Variants in LARGE1 observed in about 807,000 individuals in gnomAD.
LARGE1 encodes the protein LARGE xylosyl- and glucuronyltransferase 1.
In LARGE1, 43 loss-of-function variants were observed where a neutral mutation model predicts 87.6. The ratio of observed to expected loss-of-function variants is 0.49; its 90% CI spans 0.38 to 0.63. LARGE1 has a LOEUF of 0.63. LARGE1 is among the 30% of genes least tolerant of loss of function. The probability of loss-of-function intolerance (pLI) is 0.00; values close to 1 mark genes in which losing one functional copy is unlikely to be tolerated. For synonymous variants in LARGE1, 434 were observed against 394.6 expected, an observed-to-expected ratio of 1.10 and a Z score of -1.18; for missense variants, 802 against 1,000.2, an observed-to-expected ratio of 0.80 and a Z score of 2.67.
intron 6 of LARGE1, among the ~76,000 whole-genome samples, chr22:33,540,358 G>A (rs774086560): frequency 6.6e-6 from 1 of 152,130 alleles, no homozygotes; most frequent in Non-Finnish European, 1.5e-5. Context: ...ACCTCAGCTC[G>A]GCTGTGTGTG....
chr22:33,776,955 C>G (rs379239), intron 1 of LARGE1, among the ~76,000 whole-genome samples: 138,471 of 152,242 alleles, frequency 0.91, 63,113 homozygotes, highest in East Asian at 0.97. Context: ...AGATGGTCAG[C>G]ACATGGGCCC....
intron 9 of LARGE1, among the ~76,000 whole-genome samples, chr22:33,368,729 A>C (rs1180740859): frequency 6.6e-6 from 1 of 152,176 alleles, no homozygotes; most frequent in Admixed American, 6.6e-5. Context: ...CTACTGTAAT[A>C]AAGTGAATAC....
chr22:33,849,592 CTTTTTT>C (rs71187287), intron 1 of LARGE1, among the ~76,000 whole-genome samples: 34 of 88,590 alleles, frequency 3.8e-4, no homozygotes, highest in African/African-American at 9.5e-4. Context: ...CTTTTCTTCT[CTTTTTT>C]TTTTTTTTTT....
chr22:33,514,678 C>T (rs1569229099), intron 6 of LARGE1, among the ~76,000 whole-genome samples: 2 of 152,066 alleles, frequency 1.3e-5, no homozygotes, highest in Non-Finnish European at 1.5e-5. Flanking sequence ...GGAACCAGGC[C>T]CCTACGGATA....
At chr22:33,305,253 C>T (rs1189139932) in intron 11 of LARGE1, among the ~76,000 whole-genome samples, 3 of 151,228 alleles carry the variant, frequency 2.0e-5, no homozygotes, top group East Asian at 3.9e-4. Flanking sequence ...CTGCATCACT[C>T]GTCTTCAGAG....
At chr22:33,780,985 C>T (rs1024531957) in intron 1 of LARGE1, among the ~76,000 whole-genome samples, 13 of 152,210 alleles carry the variant, frequency 8.5e-5, no homozygotes, top group Non-Finnish European at 8.8e-5. Flanking sequence ...ACTGCGATAG[C>T]GCACAAAGCT....
chr22:33,088,051 A>AACAC, the LARGE1 span, among the ~76,000 whole-genome samples: 10 of 151,100 alleles, frequency 6.6e-5, no homozygotes, highest in East Asian at 5.8e-4. Context: ...GCACAGGCCT[A>AACAC]ACACACACAC....
At chr22:33,405,797 G>A (rs1464039418) in intron 7 of LARGE1, among the ~76,000 whole-genome samples, 2 of 152,210 alleles carry the variant, frequency 1.3e-5, no homozygotes, top group Admixed American at 6.5e-5. Flanking sequence ...CGAAAAGTCA[G>A]TGGTGATTTT....
In LARGE1 at chr22:33,304,220, G is replaced by C. The variant is rs771269946; in HGVS notation, c.1730+9C>G. The C allele has an allele frequency of 6.2e-7, 1 of 1,614,080 alleles. No individual in the cohort carries two copies. ...CTGGCCTGATGGCCAGGCCCCTGCA[G>C]GTCCTTACCTGAGGTACTCATAGAG... is the stretch of plus-strand genomic sequence containing the variant. On this transcript the variant is annotated intron_variant, in intron 12 of 14. Transcript: ENST00000397394.
chr22:33,687,947 C>G (rs1266288092), intron 2 of LARGE1, among the ~76,000 whole-genome samples: 2 of 152,164 alleles, frequency 1.3e-5, no homozygotes, highest in Admixed American at 6.5e-5. Context: ...TATGCTTATT[C>G]CCTCCCTAGA....
At chr22:33,907,634 C>A (rs1205798100) in intron 1 of LARGE1, among the ~76,000 whole-genome samples, 1 of 151,576 alleles carries the variant, frequency 6.6e-6, no homozygotes, top group Non-Finnish European at 1.5e-5. Context: ...GTGGCGCGAT[C>A]TCGGCTCACT....
intron 3 of LARGE1, 118 bp from the exon 4 acceptor site, chr22:33,626,444 C>G (rs1028890017): frequency 6.5e-6 from 5 of 766,688 alleles, no homozygotes; most frequent in African/African-American, 1.7e-5. Context: ...CATTAGAAAA[C>G]AAAGGACACT....
intron 11 of LARGE1, among the ~76,000 whole-genome samples, chr22:33,193,548 A>G (rs1052365920): frequency 1.3e-5 from 2 of 152,212 alleles, no homozygotes; most frequent in Non-Finnish European, 2.9e-5. Context: ...ACGGTGGCTC[A>G]TGCCTGTAAT....
At chr22:33,176,841 T>C (rs897315571) in intron 11 of LARGE1, among the ~76,000 whole-genome samples, 2 of 152,166 alleles carry the variant, frequency 1.3e-5, no homozygotes, top group Non-Finnish European at 2.9e-5. Flanking sequence ...CATTCTACTA[T>C]AAAGACACAT....
In LARGE1 at chr22:33,607,191, G is replaced by A. The variant is rs143630103; in HGVS notation, c.492-2633C>T. Among the ~76,000 whole-genome samples the A allele has an allele frequency of 3.0e-4, 46 of 152,264 alleles. No homozygotes were observed. In the East Asian group the frequency reaches 7.3e-3, roughly 24 times the overall value. ...ATTAAGACAGTGTTGGCCAGGTGCC[G>A]TGGCTCATACCCGTAATCCTAGCAC... is the stretch of plus-strand genomic sequence containing the variant. On this transcript the variant is annotated intron_variant, in intron 4 of 14. Coordinates refer to ENST00000397394, the MANE Select transcript of LARGE1 (RefSeq NM_133642.5).
At chr22:33,813,953 G>A (rs1281793969) in intron 1 of LARGE1, among the ~76,000 whole-genome samples, 1 of 150,870 alleles carries the variant, frequency 6.6e-6, no homozygotes, top group African/African-American at 2.5e-5. Context: ...CCACACTCTT[G>A]CAACAAGCCT....
chr22:33,216,874 G>A (rs975878223), intron 11 of LARGE1, among the ~76,000 whole-genome samples: 2 of 152,142 alleles, frequency 1.3e-5, no homozygotes, highest in Non-Finnish European at 2.9e-5. Flanking sequence ...TGGACATGTG[G>A]GAGCTAGAGG....
chr22:33,601,598 T>C (rs2079115032), intron 5 of LARGE1, among the ~76,000 whole-genome samples: 1 of 152,192 alleles, frequency 6.6e-6, no homozygotes, highest in Non-Finnish European at 1.5e-5. Flanking sequence ...TTACGTTTTA[T>C]AAATACTTTC....
intron 3 of LARGE1, among the ~76,000 whole-genome samples, chr22:33,636,847 G>A (rs903138444): frequency 2.6e-5 from 4 of 152,090 alleles, no homozygotes; most frequent in South Asian, 2.1e-4. Flanking sequence ...TCAACTAACT[G>A]TTGGGCAAAT....
Sources: gnomAD v4.1 joint callset for allele counts (sites outside exome capture counted in the v4.1 genomes callset) on GRCh38, gnomAD v4.1.1 for gene constraint, MANE v1.5 for transcripts, NCBI Gene and HGNC (gene_info 2026-07-23, HGNC 2026-07-21) for gene names.